SLIT3: variants seen among roughly 807,000 people sequenced by gnomAD.
SLIT3 encodes the protein slit guidance ligand 3.
SLIT3 carries 68 observed loss-of-function variants against 184.0 expected under a neutral mutation model. That is an observed-to-expected ratio of 0.37 (90% CI 0.30 to 0.45). The LOEUF (loss-of-function observed/expected upper bound fraction) is 0.45. Ranked by LOEUF, SLIT3 falls within the 20% of genes least tolerant of loss-of-function variation. SLIT3 has a pLI of 1.00. For missense variants in SLIT3, 1,707 were observed against 2,026.0 expected (o/e 0.84, Z 3.02); for synonymous variants, 831 against 828.6 (o/e 1.00, Z -0.05).
At chr5:169,060,396 A>G (rs566282027) in intron 4 of SLIT3, among the ~76,000 whole-genome samples, 6 of 152,156 alleles carry the variant, frequency 3.9e-5, no homozygotes, top group African/African-American at 1.4e-4. Flanking sequence ...CATCTCAAAC[A>G]AACAAACAAA....
intron 4 of SLIT3, among the ~76,000 whole-genome samples, chr5:169,129,507 G>T (rs560928151): frequency 2.6e-5 from 4 of 152,084 alleles, no homozygotes; most frequent in Non-Finnish European, 5.9e-5. Flanking sequence ...AGACGAGATT[G>T]CGCCATTGCA....
At chr5:168,771,747 T>A (rs1297994366) in intron 14 of SLIT3, among the ~76,000 whole-genome samples, 1 of 152,180 alleles carries the variant, frequency 6.6e-6, no homozygotes. Flanking sequence ...TCTGGAGACA[T>A]GGACTAAAGA....
At chr5:168,832,860 T>A (rs1757925367) in intron 6 of SLIT3, among the ~76,000 whole-genome samples, 1 of 152,212 alleles carries the variant, frequency 6.6e-6, no homozygotes, top group African/African-American at 2.4e-5. Flanking sequence ...GGGGGCTGGA[T>A]CTGGCTTGCA....
At chr5:169,268,835 A>G (rs558199914) in intron 1 of SLIT3, among the ~76,000 whole-genome samples, 2 of 152,330 alleles carry the variant, frequency 1.3e-5, no homozygotes, top group Admixed American at 1.3e-4. Flanking sequence ...AACAATTAAT[A>G]ATGGTTTTCC....
intron 4 of SLIT3, among the ~76,000 whole-genome samples, chr5:168,883,540 C>T (rs940104484): frequency 2.0e-5 from 3 of 152,196 alleles, no homozygotes; most frequent in Admixed American, 6.5e-5. Flanking sequence ...GGTTACCAGG[C>T]GGAGCAGCTC....
intron 4 of SLIT3, among the ~76,000 whole-genome samples, chr5:169,174,533 A>C (rs1343503106): frequency 2.6e-5 from 4 of 152,168 alleles, no homozygotes; most frequent in Non-Finnish European, 5.9e-5. Flanking sequence ...CAAGTTCTTT[A>C]AACTCTTTCC....
At position 168,818,442 on chromosome 5, in the gene SLIT3, T is replaced by G. The variant is rs74586641; in HGVS notation, c.630-979A>C. The stretch of plus-strand genomic sequence containing the variant: ...GGGCTTCTAAGGCAAACTACGGATA[T>G]TCCAGGTTCTTCCCCCAAGGTCTCT... On this transcript the variant is annotated intron_variant, in intron 7 of 35. Transcript: ENST00000519560. Among the ~76,000 whole-genome samples, 788 of 152,296 alleles carry G rather than the reference T, an allele frequency of 5.2e-3. 6 individuals are homozygous for G. Among genetic ancestry groups the G allele is most frequent in the African/African-American group, 0.018 (738 of 41,560 alleles).
At chr5:169,003,795 A>G (rs1466151281) in intron 4 of SLIT3, among the ~76,000 whole-genome samples, 1 of 152,180 alleles carries the variant, frequency 6.6e-6, no homozygotes, top group East Asian at 1.9e-4. Flanking sequence ...TTCATATTCC[A>G]AGCATGAACT....
intron 4 of SLIT3, among the ~76,000 whole-genome samples, chr5:169,041,713 T>C (rs1757455118): frequency 6.6e-6 from 1 of 152,214 alleles, no homozygotes; most frequent in Admixed American, 6.5e-5. Flanking sequence ...ATATATATTA[T>C]AGGAGTTTGA....
chr5:169,080,578 A>G (rs1275874232), intron 4 of SLIT3, among the ~76,000 whole-genome samples: 2 of 152,110 alleles, frequency 1.3e-5, no homozygotes, highest in Non-Finnish European at 2.9e-5. Flanking sequence ...GAGAGCTATA[A>G]AGCACGTGGT....
chr5:168,846,427 G>T (rs546429101), intron 5 of SLIT3, among the ~76,000 whole-genome samples: 85 of 152,174 alleles, frequency 5.6e-4, no homozygotes, highest in Middle Eastern at 3.4e-3. Flanking sequence ...TTCTTGCAGT[G>T]TTGGGGCCGC....
intron 5 of SLIT3, among the ~76,000 whole-genome samples, chr5:168,848,283 G>A (rs1292506699): frequency 6.6e-6 from 1 of 152,200 alleles, no homozygotes; most frequent in African/African-American, 2.4e-5. Flanking sequence ...CGACAATAAA[G>A]ACTGAGCCCT....
At chr5:169,040,335 AG>A in intron 4 of SLIT3, among the ~76,000 whole-genome samples, 1 of 152,226 alleles carries the variant, frequency 6.6e-6, no homozygotes, top group South Asian at 2.1e-4. Context: ...GAGGAGGCTA[AG>A]TTATCTTAAC....
chr5:168,745,331 T>C (rs72827615), intron 20 of SLIT3, among the ~76,000 whole-genome samples: 23,807 of 152,236 alleles, frequency 0.16, 2,038 homozygotes, highest in Non-Finnish European at 0.18. Context: ...GCTGTGAACG[T>C]TGTTGAAATG....
chr5:168,732,112 T>G (rs1763306906), intron 20 of SLIT3, among the ~76,000 whole-genome samples: 1 of 152,106 alleles, frequency 6.6e-6, no homozygotes, highest in Admixed American at 6.6e-5. Context: ...GGCTACAAAA[T>G]TAATGTTTAG....
intron 32 of SLIT3, among the ~76,000 whole-genome samples, chr5:168,676,167 A>T (rs1342578665): frequency 2.1e-5 from 2 of 93,586 alleles, no homozygotes; most frequent in South Asian, 3.6e-4. Context: ...ACTCTCTTCC[A>T]TCCATCCATC....
chr5:169,079,550 GGAA>G (rs1472446933), intron 4 of SLIT3, among the ~76,000 whole-genome samples: 6 of 132,696 alleles, frequency 4.5e-5, no homozygotes, highest in Non-Finnish European at 9.9e-5. Context: ...GGAAGAAGGA[GGAA>G]GAAGGAGGAG....
chr5:169,070,337 G>T (rs190025341), intron 4 of SLIT3, among the ~76,000 whole-genome samples: 1 of 152,280 alleles, frequency 6.6e-6, no homozygotes, highest in East Asian at 1.9e-4. Flanking sequence ...TTAAGTTCCA[G>T]TGTAAATGTC....
intron 4 of SLIT3, among the ~76,000 whole-genome samples, chr5:169,062,202 T>G (rs1758195111): frequency 1.3e-5 from 2 of 151,968 alleles, no homozygotes; most frequent in Admixed American, 1.3e-4. Context: ...AATAAATACA[T>G]AAATAAAAAA....
Sources: allele counts gnomAD v4.1 joint callset (sites outside exome capture counted in the v4.1 genomes callset), GRCh38; gene constraint gnomAD v4.1.1; transcripts MANE v1.5; gene names NCBI Gene and HGNC (gene_info 2026-07-23, HGNC 2026-07-21).